Variants in ABCA13 observed in about 807,000 individuals in gnomAD.
The protein encoded by ABCA13 is ATP-binding cassette sub-family A member 13.
In ABCA13, 476 loss-of-function variants were observed where a neutral mutation model predicts 478.7. The ratio of observed to expected loss-of-function variants is 0.99; its 90% CI spans 0.92 to 1.07. The LOEUF (loss-of-function observed/expected upper bound fraction) is 1.07, where lower values mean the gene tolerates loss of function less well. Ranked by LOEUF, ABCA13 falls within the 50% of genes least tolerant of loss-of-function variation. ABCA13 has a pLI of 0.00. For synonymous variants in ABCA13, 2,252 were observed against 2,158.9 expected, an observed-to-expected ratio of 1.04 and a Z score of -1.20; for missense variants, 6,060 against 5,910.6, an observed-to-expected ratio of 1.03 and a Z score of -0.83.
chr7:48,477,987 G>A (rs1563323337), intron 45 of ABCA13, among the ~76,000 whole-genome samples: 1 of 151,788 alleles, frequency 6.6e-6, no homozygotes, highest in Non-Finnish European at 1.5e-5. Context: ...TCATCTAATG[G>A]AAAACACCAT....
intron 41 of ABCA13, among the ~76,000 whole-genome samples, chr7:48,422,443 T>C (rs1820894347): frequency 6.6e-6 from 1 of 152,192 alleles, no homozygotes; most frequent in Non-Finnish European, 1.5e-5. Flanking sequence ...GAACTAGAAT[T>C]GACTTTTTAT....
chr7:48,513,241 C>T (rs1057063572), intron 51 of ABCA13, among the ~76,000 whole-genome samples: 13 of 152,132 alleles, frequency 8.5e-5, no homozygotes, highest in Non-Finnish European at 1.8e-4. Context: ...CCTAAGAGCA[C>T]GTCCAGGCAT....
intron 7 of ABCA13, among the ~76,000 whole-genome samples, chr7:48,230,439 ATAT>A (rs1320474948): frequency 6.6e-6 from 1 of 152,166 alleles, no homozygotes; most frequent in Non-Finnish European, 1.5e-5. Flanking sequence ...TTGATCCAGG[ATAT>A]TATTATTTCC....
chr7:48,293,954 C>A (rs1798952761), intron 20 of ABCA13, among the ~76,000 whole-genome samples: 1 of 152,186 alleles, frequency 6.6e-6, no homozygotes, highest in Non-Finnish European at 1.5e-5. Context: ...GGCTGTACTG[C>A]TGACCTTCAG....
intron 52 of ABCA13, among the ~76,000 whole-genome samples, chr7:48,519,606 T>G (rs1411675568): frequency 1.3e-5 from 2 of 152,222 alleles, no homozygotes; most frequent in African/African-American, 4.8e-5. Flanking sequence ...AACTCATGTT[T>G]TCTAATTTAT....
At chr7:48,507,788 G>A (rs1831341737) in intron 49 of ABCA13, 84 bp from the exon 50 acceptor site, 3 of 1,425,190 alleles carry the variant, frequency 2.1e-6, no homozygotes, top group Non-Finnish European at 2.8e-6. Flanking sequence ...AGTTTTCACT[G>A]CTGTCATCAT....
At chr7:48,430,672 T>TAA (rs36121642) in intron 42 of ABCA13, among the ~76,000 whole-genome samples, 2,118 of 122,714 alleles carry the variant, frequency 0.017, 37 homozygotes, top group African/African-American at 0.04. Flanking sequence ...AGACTCCGTC[T>TAA]AAAAAAAAAA....
At chr7:48,186,067 C>A (rs1796316344) in intron 1 of ABCA13, among the ~76,000 whole-genome samples, 1 of 151,870 alleles carries the variant, frequency 6.6e-6, no homozygotes, top group Non-Finnish European at 1.5e-5. Flanking sequence ...TTTTTCATCT[C>A]CTTCCTTTTA....
intron 20 of ABCA13, among the ~76,000 whole-genome samples, chr7:48,291,576 C>T (rs2128813085): frequency 6.6e-6 from 1 of 152,258 alleles, no homozygotes; most frequent in Middle Eastern, 3.4e-3. Flanking sequence ...GATCCTGGAT[C>T]CTGCCATGCA....
chr7:48,645,177 A>C (rs1419093940), intron 61 of ABCA13, among the ~76,000 whole-genome samples: 1 of 152,190 alleles, frequency 6.6e-6, no homozygotes, highest in Non-Finnish European at 1.5e-5. Context: ...ACCAGGCTTA[A>C]GGTATTGAGA....
At chr7:48,251,750 T>A (rs1383526040) in intron 15 of ABCA13, among the ~76,000 whole-genome samples, 2 of 152,112 alleles carry the variant, frequency 1.3e-5, no homozygotes, top group African/African-American at 4.8e-5. Context: ...TTCTTTTTCT[T>A]GTTCTTGACT....
intron 43 of ABCA13, among the ~76,000 whole-genome samples, chr7:48,458,612 T>C (rs1241123065): frequency 6.6e-6 from 1 of 152,254 alleles, no homozygotes; most frequent in East Asian, 1.9e-4. Context: ...AATGCAATTA[T>C]ATATCTACAT....
intron 3 of ABCA13, among the ~76,000 whole-genome samples, chr7:48,201,798 C>T (rs942195954): frequency 1.3e-5 from 2 of 152,232 alleles, no homozygotes; most frequent in Non-Finnish European, 2.9e-5. Context: ...TTCTTGGTCT[C>T]ACTGACTTCA....
intron 15 of ABCA13, among the ~76,000 whole-genome samples, chr7:48,265,401 A>G (rs980823859): frequency 4.0e-5 from 6 of 151,536 alleles, no homozygotes; most frequent in East Asian, 3.9e-4. Flanking sequence ...ATTATTTTCA[A>G]TGTTCTAGCT....
chr7:48,435,545 T>C (rs1285056978), intron 42 of ABCA13, among the ~76,000 whole-genome samples: 2 of 151,834 alleles, frequency 1.3e-5, no homozygotes, highest in African/African-American at 4.8e-5. Flanking sequence ...GGACTTCCAG[T>C]GCTATCTTGA....
intron 31 of ABCA13, among the ~76,000 whole-genome samples, chr7:48,362,010 G>T (rs1474383643): frequency 3.3e-5 from 5 of 152,000 alleles, no homozygotes; most frequent in African/African-American, 1.2e-4. Flanking sequence ...CTGAATTGCA[G>T]TCAAAATATG....
intron 37 of ABCA13, among the ~76,000 whole-genome samples, chr7:48,389,515 T>C (rs192333366): frequency 5.1e-4 from 78 of 152,334 alleles, no homozygotes; most frequent in African/African-American, 1.8e-3. Context: ...TACCATGTTG[T>C]ACTTTAGTCT....
At chr7:48,551,887 C>G (rs546981842) in intron 55 of ABCA13, among the ~76,000 whole-genome samples, 1 of 151,864 alleles carries the variant, frequency 6.6e-6, no homozygotes, top group South Asian at 2.1e-4. Flanking sequence ...GGGCATTATC[C>G]TACTGTCTTC....
chr7:48,248,102 C>A, intron 13 of ABCA13, 137 bp from the exon 14 acceptor site: 1 of 655,724 alleles, frequency 1.5e-6, no homozygotes, highest in South Asian at 2.4e-5. Flanking sequence ...AGATAATTAC[C>A]ATGCCATAGG....
Sources: gnomAD v4.1 joint callset for allele counts (sites outside exome capture counted in the v4.1 genomes callset) on GRCh38, gnomAD v4.1.1 for gene constraint, MANE v1.5 for transcripts, NCBI Gene and HGNC (gene_info 2026-07-23, HGNC 2026-07-21) for gene names.